Variants in ECE1 observed in about 807,000 individuals in gnomAD.
ECE1 encodes the protein endothelin-converting enzyme 1.
In ECE1, 35 loss-of-function variants were observed where a neutral mutation model predicts 98.6. The ratio of observed to expected loss-of-function variants is 0.35; its 90% CI spans 0.27 to 0.47. ECE1 has a LOEUF of 0.47. Ranked by LOEUF, ECE1 falls within the 20% of genes least tolerant of loss-of-function variation. The probability of loss-of-function intolerance (pLI) is 1.00; values close to 1 mark genes in which losing one functional copy is unlikely to be tolerated. For synonymous variants in ECE1, 394 were observed against 407.1 expected (o/e 0.97, Z 0.39); for missense variants, 814 against 1,025.3 (o/e 0.79, Z 2.81).
chr1:21,334,864 T>A (rs1297295442), intron 1 of ECE1, among the ~76,000 whole-genome samples: 2 of 152,124 alleles, frequency 1.3e-5, no homozygotes, highest in African/African-American at 4.8e-5. Context: ...ACGAATATCC[T>A]GAGGCCCGCG....
intron 8 of ECE1, among the ~76,000 whole-genome samples, chr1:21,250,109 C>G (rs1463600789): frequency 6.6e-6 from 1 of 152,016 alleles, no homozygotes. Context: ...ATGTGAGACT[C>G]TACCCATCAG....
chr1:21,296,993 C>T (rs1036373027), intron 1 of ECE1, among the ~76,000 whole-genome samples: 1 of 152,114 alleles, frequency 6.6e-6, no homozygotes, highest in Non-Finnish European at 1.5e-5. Context: ...CACTGGAAGG[C>T]CAAGGGCACA....
chr1:21,319,028 G>C lies in ECE1; in HGVS notation c.3+26348C>G, dbSNP rs569882265. Among the ~76,000 whole-genome samples the C allele has an allele frequency of 6.6e-6, 1 of 152,276 alleles. No homozygotes were observed. Among genetic ancestry groups the C allele is most frequent in the South Asian group, 2.1e-4 (1 of 4,818 alleles). ...GGGTCTGTACAATCTCCCGGGCTCC[G>C]TTTTCTCATCAGCTAAGTCAAAATA... On this transcript the variant is annotated intron_variant, in intron 1 of 18. Coordinates refer to the ECE1 transcript ENST00000415912. The surrounding 1 kb of genome is among the most constrained non-coding windows in gnomAD (Gnocchi z 4.4).
intron 2 of ECE1, among the ~76,000 whole-genome samples, chr1:21,283,569 C>A (rs1045119602): frequency 3.9e-5 from 6 of 152,198 alleles, no homozygotes; most frequent in African/African-American, 9.6e-5. Flanking sequence ...CTGCACCCAG[C>A]CTATCTTCAC....
chr1:21,291,511 G>A (rs748519816), upstream of ECE1, among the ~76,000 whole-genome samples: 6 of 152,176 alleles, frequency 3.9e-5, no homozygotes, highest in Non-Finnish European at 8.8e-5. Context: ...CAGCAGCCAG[G>A]ATGAGCCTTT....
intron 3 of ECE1, 127 bp downstream of exon 3, chr1:21,279,064 T>C (rs1044551733): frequency 6.0e-5 from 91 of 1,521,056 alleles, no homozygotes; most frequent in Non-Finnish European, 7.3e-5. Context: ...CAGACCCCCC[T>C]GGGCCTGGCT....
intron 10 of ECE1, among the ~76,000 whole-genome samples, chr1:21,239,799 T>A (rs2098193677): frequency 6.6e-6 from 1 of 151,702 alleles, no homozygotes; most frequent in African/African-American, 2.4e-5. Flanking sequence ...TTTTTTTTTT[T>A]AGCATGCTAT....
At chr1:21,231,785 T>A (rs182592497) in intron 14 of ECE1, among the ~76,000 whole-genome samples, 13 of 152,312 alleles carry the variant, frequency 8.5e-5, no homozygotes, top group African/African-American at 2.4e-4. Context: ...GCTAATTTTT[T>A]AAATTTTTTG....
At chr1:21,247,153 C>T in intron 9 of ECE1, 68 bp downstream of exon 9, 2 of 1,611,178 alleles carry the variant, frequency 1.2e-6, no homozygotes. Context: ...ATCCCCACCC[C>T]TGCCCACCTG....
chr1:21,300,822 T>C (rs2103377156), intron 1 of ECE1, among the ~76,000 whole-genome samples: 1 of 152,260 alleles, frequency 6.6e-6, no homozygotes, highest in African/African-American at 2.4e-5. Context: ...TAGGTTCAAG[T>C]CTCCACTCCA....
intron 1 of ECE1, among the ~76,000 whole-genome samples, chr1:21,304,060 A>G (rs1027429948): frequency 2.6e-5 from 4 of 151,152 alleles, no homozygotes; most frequent in African/African-American, 7.3e-5. Context: ...TCACGCCTGT[A>G]ATCCCAGCAC....
At chr1:21,313,110 C>A (rs759841174) in intron 1 of ECE1, among the ~76,000 whole-genome samples, 1 of 152,140 alleles carries the variant, frequency 6.6e-6, no homozygotes, top group African/African-American at 2.4e-5. Context: ...CTGCCCTCTG[C>A]GCCCCACTAT....
At chr1:21,306,065 C>T (rs368364301) in intron 1 of ECE1, among the ~76,000 whole-genome samples, 4 of 152,162 alleles carry the variant, frequency 2.6e-5, no homozygotes, top group Admixed American at 6.5e-5. Flanking sequence ...GCCTCCTGGA[C>T]GCTGGGGATG....
chr1:21,260,553 T>A lies in ECE1; in HGVS notation c.494-161A>T, dbSNP rs2098225458. Among the ~76,000 whole-genome samples the A allele has an allele frequency of 6.6e-6, 1 of 152,090 alleles. No individual in the cohort carries two copies. The highest frequency in any genetic ancestry group is 1.5e-5 in the Non-Finnish European group (1 of 68,014). On this transcript the variant is annotated intron_variant, in intron 4 of 18. Transcript: ENST00000374893. This position sits in a 1 kb window ranked among gnomAD's most constrained non-coding sequence, Gnocchi z 4.3. ...GAGGAATGCCGTCACCGTGAGTATG[T>A]GAGGGCCCCTGGACAGAGCCTGGCA...
chr1:21,250,884 G>A (rs1217480446), intron 8 of ECE1, among the ~76,000 whole-genome samples: 1 of 152,236 alleles, frequency 6.6e-6, no homozygotes, highest in Non-Finnish European at 1.5e-5. Flanking sequence ...GTGGACGCCT[G>A]TAGTCCCAGC....
intron 3 of ECE1, 27 bp downstream of exon 3, chr1:21,279,164 C>T (rs1288248872): frequency 9.9e-6 from 16 of 1,613,934 alleles, no homozygotes; most frequent in African/African-American, 1.3e-5. Context: ...GTGAGTCAAG[C>T]CCACCATGCA....
chr1:21,243,412 A>C (rs1558380950), intron 10 of ECE1, among the ~76,000 whole-genome samples: 1 of 151,902 alleles, frequency 6.6e-6, no homozygotes, highest in African/African-American at 2.4e-5. Flanking sequence ...AAAAAAAAAA[A>C]AAAACAGAGA....
At chr1:21,336,229 G>C (rs1014230261) in intron 1 of ECE1, among the ~76,000 whole-genome samples, 2 of 152,082 alleles carry the variant, frequency 1.3e-5, no homozygotes, top group African/African-American at 4.8e-5. Flanking sequence ...AAAAATATCA[G>C]AAAATTAGCT....
chr1:21,267,847 AATAAAAAT>A (rs2098235840), intron 4 of ECE1, among the ~76,000 whole-genome samples: 1 of 152,232 alleles, frequency 6.6e-6, no homozygotes, highest in Non-Finnish European at 1.5e-5. Context: ...AATATGTCAA[AATAAAAAT>A]ACGAGCGATG....
Sources: allele counts gnomAD v4.1 joint callset (sites outside exome capture counted in the v4.1 genomes callset), GRCh38; gene constraint gnomAD v4.1.1; non-coding constraint Gnocchi (gnomAD v3.1); transcripts MANE v1.5; gene names NCBI Gene and HGNC (gene_info 2026-07-23, HGNC 2026-07-21).